The following NR5A2 variants were observed in gnomAD, a reference collection of about 807,000 sequenced individuals.
NR5A2 encodes nuclear receptor subfamily 5 group A member 2.
Under a neutral mutation model 62.7 loss-of-function variants are expected in NR5A2, and 26 were observed. That is an observed-to-expected ratio of 0.41 (90% CI 0.30 to 0.58). The LOEUF (loss-of-function observed/expected upper bound fraction) is 0.58, where lower values mean the gene tolerates loss of function less well. Ranked by LOEUF, NR5A2 falls within the 20% of genes least tolerant of loss-of-function variation. The probability of loss-of-function intolerance (pLI) is 0.22; values close to 1 mark genes in which losing one functional copy is unlikely to be tolerated. For missense variants in NR5A2, 541 were observed against 669.1 expected (o/e 0.81, Z 2.11); for synonymous variants, 246 against 241.7 (o/e 1.02, Z -0.16).
At chr1:200,085,637 A>T (rs1664485253) in intron 5 of NR5A2, among the ~76,000 whole-genome samples, 1 of 151,302 alleles carries the variant, frequency 6.6e-6, no homozygotes, top group Non-Finnish European at 1.5e-5. Context: ...TGGTGTCTAG[A>T]GCACAACAGA....
At chr1:200,144,214 T>TTCTCTC (rs143043558) in intron 7 of NR5A2, among the ~76,000 whole-genome samples, 1 of 135,378 alleles carries the variant, frequency 7.4e-6, no homozygotes, top group African/African-American at 2.9e-5. Flanking sequence ...CCAGCACTGT[T>TTCTCTC]TCTCTCTCTC....
chr1:200,076,633 C>T (rs1664054195), intron 5 of NR5A2, among the ~76,000 whole-genome samples: 1 of 152,112 alleles, frequency 6.6e-6, no homozygotes, highest in Non-Finnish European at 1.5e-5. Flanking sequence ...AAATACCTTA[C>T]TTGATTTGAG....
At chr1:200,113,901 C>T (rs1666081251) in intron 6 of NR5A2, among the ~76,000 whole-genome samples, 2 of 152,106 alleles carry the variant, frequency 1.3e-5, no homozygotes, top group Non-Finnish European at 2.9e-5. Context: ...AGAAAAGAGG[C>T]CGGGCACAGT....
intron 5 of NR5A2, among the ~76,000 whole-genome samples, chr1:200,071,925 C>T (rs1435345597): frequency 6.6e-6 from 1 of 152,132 alleles, no homozygotes; most frequent in Non-Finnish European, 1.5e-5. Flanking sequence ...TTGAGCTTTA[C>T]TTTCTGATGA....
intron 7 of NR5A2, among the ~76,000 whole-genome samples, chr1:200,137,275 C>A (rs898570448): frequency 2.0e-5 from 3 of 151,902 alleles, no homozygotes; most frequent in Non-Finnish European, 4.4e-5. Flanking sequence ...CTCAGCCTCC[C>A]GAATAGCTGA....
chr1:200,158,605 T>C (rs1187842997), intron 7 of NR5A2, among the ~76,000 whole-genome samples: 2 of 152,206 alleles, frequency 1.3e-5, no homozygotes, highest in Non-Finnish European at 2.9e-5. Flanking sequence ...CAGGAAGGCA[T>C]TCTTTTTTGA....
In NR5A2 at chr1:200,147,694, G is replaced by C. The variant is rs767047511; in HGVS notation, c.1379-26269G>C. Reference sequence around the variant, plus strand: ...GAAGACATGGGTGGACTTGGGCTCCGAGGCGATCTCCTCCAGCTCCTCCCT... The same window carrying C: ...GAAGACATGGGTGGACTTGGGCTCCCAGGCGATCTCCTCCAGCTCCTCCCT... On this transcript the variant is annotated intron_variant, in intron 7 of 7. Coordinates refer to ENST00000367362, the MANE Select transcript of NR5A2 (RefSeq NM_205860.3). The surrounding 1 kb of genome is among the most constrained non-coding windows in gnomAD (Gnocchi z 4.9). 11 of 677,542 alleles carry C rather than the reference G, an allele frequency of 1.6e-5. No individual in the cohort carries two copies. Among genetic ancestry groups the C allele is most frequent in the Non-Finnish European group, 2.8e-5 (10 of 357,342 alleles). The allele number at this position is 677,542 out of a possible 1,614,324, so 42.0% of individuals were successfully genotyped here.
intron 5 of NR5A2, among the ~76,000 whole-genome samples, chr1:200,082,872 G>A (rs888835761): frequency 1.3e-5 from 2 of 152,068 alleles, no homozygotes; most frequent in African/African-American, 2.4e-5. Flanking sequence ...ACCTAAAAAG[G>A]CATGCAACCT....
At chr1:200,120,598 C>T (rs1666437499) in intron 6 of NR5A2, among the ~76,000 whole-genome samples, 1 of 152,164 alleles carries the variant, frequency 6.6e-6, no homozygotes, top group Admixed American at 6.5e-5. Context: ...TGGCTTGGGC[C>T]TGCAATCCCA....
chr1:200,119,975 T>A (rs1463404729), intron 6 of NR5A2, among the ~76,000 whole-genome samples: 1 of 152,126 alleles, frequency 6.6e-6, no homozygotes, highest in Non-Finnish European at 1.5e-5. Flanking sequence ...GACAACGGAA[T>A]TATTCTCCTA....
intron 7 of NR5A2, among the ~76,000 whole-genome samples, chr1:200,129,780 A>G (rs1666882186): frequency 6.6e-6 from 1 of 152,200 alleles, no homozygotes; most frequent in Admixed American, 6.5e-5. Flanking sequence ...ACAGTTTTGC[A>G]GGATCACCTG....
intron 7 of NR5A2, among the ~76,000 whole-genome samples, chr1:200,138,090 A>G (rs1388997762): frequency 6.6e-6 from 1 of 152,088 alleles, no homozygotes; most frequent in Non-Finnish European, 1.5e-5. Context: ...GATCCATGGT[A>G]TTTCGTTATA....
chr1:200,145,493 T>C (rs1221346784), intron 7 of NR5A2, among the ~76,000 whole-genome samples: 1 of 144,798 alleles, frequency 6.9e-6, no homozygotes, highest in East Asian at 3.5e-4. Context: ...TGTGTGTGTG[T>C]GTGTGTGTGT....
intron 5 of NR5A2, among the ~76,000 whole-genome samples, chr1:200,106,062 T>C (rs9427454): frequency 1.3e-3 from 24 of 19,096 alleles, no homozygotes; most frequent in African/African-American, 2.4e-3. Flanking sequence ...AGATTCACTC[T>C]TCTTTTTTTT....
At chr1:200,132,580 A>T (rs1316654578) in intron 7 of NR5A2, among the ~76,000 whole-genome samples, 2 of 152,194 alleles carry the variant, frequency 1.3e-5, no homozygotes, top group Non-Finnish European at 2.9e-5. Context: ...ATGTTACATA[A>T]ATCTCACAGC....
chr1:200,050,565 C>T (rs944961464), intron 5 of NR5A2, among the ~76,000 whole-genome samples: 1 of 152,206 alleles, frequency 6.6e-6, no homozygotes, highest in Non-Finnish European at 1.5e-5. Context: ...GCATATACTA[C>T]ATACTCAGTA....
intron 7 of NR5A2, among the ~76,000 whole-genome samples, chr1:200,153,577 T>G (rs1000965568): frequency 5.9e-5 from 9 of 152,036 alleles, no homozygotes; most frequent in African/African-American, 1.9e-4. Context: ...TGACAGTAAT[T>G]ATGCCATCAA....
chr1:200,078,025 A>G (rs1044537680), intron 5 of NR5A2, among the ~76,000 whole-genome samples: 2 of 152,214 alleles, frequency 1.3e-5, no homozygotes, highest in Admixed American at 6.5e-5. Flanking sequence ...AGTCCCAGGT[A>G]AAGAAGCTAG....
intron 5 of NR5A2, among the ~76,000 whole-genome samples, chr1:200,065,422 C>A (rs577511448): frequency 2.6e-5 from 4 of 152,180 alleles, no homozygotes; most frequent in Non-Finnish European, 4.4e-5. Flanking sequence ...GGATTACAGG[C>A]GTGAGCCACC....
Sources: allele counts gnomAD v4.1 joint callset (sites outside exome capture counted in the v4.1 genomes callset), GRCh38; gene constraint gnomAD v4.1.1; non-coding constraint Gnocchi (gnomAD v3.1); transcripts MANE v1.5; gene names NCBI Gene and HGNC (gene_info 2026-07-23, HGNC 2026-07-21).